TRABD2B: variants seen among roughly 807,000 people sequenced by gnomAD.
TRABD2B encodes metalloprotease TIKI2.
In TRABD2B, 14 loss-of-function variants were observed where a neutral mutation model predicts 40.1. The ratio of observed to expected loss-of-function variants is 0.35; its 90% confidence interval spans 0.23 to 0.55. TRABD2B has a LOEUF of 0.55. Among genes scored for constraint, TRABD2B ranks in the 20% least tolerant of loss-of-function variants. The pLI is 0.90. For missense variants in TRABD2B, 541 were observed against 648.6 expected, an observed-to-expected ratio of 0.83 and a Z score of 1.80; for synonymous variants, 263 against 277.0, an observed-to-expected ratio of 0.95 and a Z score of 0.50.
intron 2 of TRABD2B, among the ~76,000 whole-genome samples, chr1:47,938,967 C>A (rs1265634227): frequency 1.3e-5 from 2 of 151,350 alleles, no homozygotes; most frequent in African/African-American, 4.9e-5. Context: ...CAGAGAGGGG[C>A]AGACTGACAG....
intron 2 of TRABD2B, among the ~76,000 whole-genome samples, chr1:47,834,724 C>T (rs1209913174): frequency 6.6e-6 from 1 of 152,130 alleles, no homozygotes; most frequent in Non-Finnish European, 1.5e-5. Flanking sequence ...ACAGACTTTA[C>T]AGAATTAGTT....
intron 3 of TRABD2B, among the ~76,000 whole-genome samples, chr1:47,799,235 C>T (rs531630171): frequency 6.6e-6 from 1 of 152,304 alleles, no homozygotes; most frequent in Admixed American, 6.5e-5. Context: ...CACATCATGG[C>T]CAGACCATCC....
intron 2 of TRABD2B, among the ~76,000 whole-genome samples, chr1:47,831,499 G>A (rs1472697948): frequency 6.6e-6 from 1 of 152,074 alleles, no homozygotes; most frequent in Non-Finnish European, 1.5e-5. Context: ...CAGCTCCCAG[G>A]GAGCTTGCAG....
intron 2 of TRABD2B, among the ~76,000 whole-genome samples, chr1:47,811,728 A>G (rs1415432926): frequency 6.6e-6 from 1 of 152,158 alleles, no homozygotes; most frequent in Non-Finnish European, 1.5e-5. Context: ...CTTTCAGTAC[A>G]GCTAAGTCCA....
In TRABD2B at chr1:47,763,414, T is replaced by A. The variant is rs1644265209; in HGVS notation, c.*2488A>T. ...TAAGGGAGAGTTTAGGATCCCCTAA[T>A]ATGCCCAGAGGAGGGATCTGGGAAA... On this transcript the variant is annotated 3_prime_UTR_variant, in exon 7 of 7. Coordinates refer to ENST00000606738, the MANE Select transcript of TRABD2B (RefSeq NM_001194986.2). 1 of 152,184 alleles carries A rather than the reference T, an allele frequency of 6.6e-6. No individual in the cohort carries two copies. 9.4% of individuals were successfully genotyped at this position (152,184 alleles called of 1,614,324 possible). A position where few individuals can be genotyped will look rare whatever the true frequency, so the allele number is the denominator to read the frequency against.
At chr1:47,979,142 A>G (rs1217955256) in intron 2 of TRABD2B, among the ~76,000 whole-genome samples, 1 of 152,156 alleles carries the variant, frequency 6.6e-6, no homozygotes, top group Non-Finnish European at 1.5e-5. Context: ...GTGGCTGCTG[A>G]GGTACTTGGC....
intron 2 of TRABD2B, among the ~76,000 whole-genome samples, chr1:47,942,368 A>G (rs2220994): frequency 0.96 from 146,156 of 152,290 alleles, 70,450 homozygotes; most frequent in Non-Finnish European, 1. Flanking sequence ...AAGTGGTTGG[A>G]ACGGGGTGAA....
chr1:47,846,857 T>TATACACACACACAC (rs374941615), intron 2 of TRABD2B, among the ~76,000 whole-genome samples: 15 of 106,378 alleles, frequency 1.4e-4, no homozygotes, highest in East Asian at 7.1e-4. Context: ...AAAACATGCA[T>TATACACACACACAC]ACACACACAC....
intron 2 of TRABD2B, among the ~76,000 whole-genome samples, chr1:47,905,064 G>A (rs1644657543): frequency 6.6e-6 from 1 of 151,976 alleles, no homozygotes; most frequent in Non-Finnish European, 1.5e-5. Context: ...GGAGCTCATG[G>A]TCAAAGAGGA....
At position 47,801,713 on chromosome 1, in the gene TRABD2B, C is replaced by T. The variant is rs1569980732; in HGVS notation, c.667-94G>A. ...CTCCTCCCTCTGGACTTCAGAGCAACAGGCCTGAAACAGAGAAGGTGTGTG... is the reference window on the plus strand; with the variant it reads ...CTCCTCCCTCTGGACTTCAGAGCAATAGGCCTGAAACAGAGAAGGTGTGTG... On this transcript the variant is annotated intron_variant, in intron 2 of 6. Transcript: ENST00000606738. 6.3e-6 allele frequency: 9 copies of T among 1,420,116 alleles called. No homozygotes were observed. In the East Asian group the frequency reaches 2.3e-4, roughly 36 times the overall value. 88.0% of individuals were successfully genotyped at this position (1,420,116 alleles called of 1,614,324 possible).
chr1:47,775,311 G>A lies in TRABD2B; in HGVS notation c.1208C>T (p.Pro403Leu). ...GAGCAGGAGGTGTGGGGACAGGGCTGGATCCTCATCCTCTGGTGGGGCGGT... is the reference window on the plus strand; with the variant it reads ...GAGCAGGAGGTGTGGGGACAGGGCTAGATCCTCATCCTCTGGTGGGGCGGT... ...TPTAPPEDED[P>L]ALSPHLLLPD... The change falls in exon 6 of 7, where the codon CCA (proline) becomes CTA (leucine). Residue 403 changes from proline (P) to leucine (L), a missense_variant. This residue lies in a region of TRABD2B where 172 missense variants were observed against 155.8 expected (regional missense o/e 1.10). Transcript: ENST00000606738. The A allele has an allele frequency of 8.0e-7, 1 of 1,249,032 alleles. No individual in the cohort carries two copies. The highest frequency in any genetic ancestry group is 1.0e-6 in the Non-Finnish European group (1 of 994,546). The allele number at this position is 1,249,032 out of a possible 1,614,324, so 77.4% of individuals were successfully genotyped here. A position where few individuals can be genotyped will look rare whatever the true frequency, so the allele number is the denominator to read the frequency against.
chr1:47,933,578 G>C (rs562066398), intron 2 of TRABD2B, among the ~76,000 whole-genome samples: 2 of 152,184 alleles, frequency 1.3e-5, no homozygotes, highest in Non-Finnish European at 2.9e-5. Context: ...CCACTTTGAT[G>C]TATATAAATA....
chr1:47,952,267 T>C (rs982192556), intron 2 of TRABD2B, among the ~76,000 whole-genome samples: 1 of 152,214 alleles, frequency 6.6e-6, no homozygotes, highest in Non-Finnish European at 1.5e-5. Context: ...CCTGTCCAAA[T>C]GTGCTCCTTC....
chr1:47,882,873 C>T (rs760167767), intron 2 of TRABD2B, among the ~76,000 whole-genome samples: 1 of 152,012 alleles, frequency 6.6e-6, no homozygotes, highest in South Asian at 2.1e-4. Context: ...AGACGATGCA[C>T]CCCAGGAAGG....
intron 2 of TRABD2B, among the ~76,000 whole-genome samples, chr1:47,891,783 C>T (rs889938794): frequency 5.9e-5 from 9 of 151,604 alleles, no homozygotes; most frequent in South Asian, 2.1e-4. Flanking sequence ...GTCTGGGCTA[C>T]GGAGCAAGAC....
chr1:47,868,190 T>C (rs976256435), intron 2 of TRABD2B, among the ~76,000 whole-genome samples: 5 of 152,246 alleles, frequency 3.3e-5, no homozygotes, highest in Non-Finnish European at 7.3e-5. Flanking sequence ...CATTCTTCAA[T>C]TTAAAATGAC....
At chr1:47,794,181 G>A (rs188144626) in intron 4 of TRABD2B, among the ~76,000 whole-genome samples, 1 of 152,314 alleles carries the variant, frequency 6.6e-6, no homozygotes, top group African/African-American at 2.4e-5. Context: ...GGGATCTAGA[G>A]CCAGGACTGT....
At chr1:47,971,109 A>T (rs1387183429) in intron 2 of TRABD2B, among the ~76,000 whole-genome samples, 1 of 152,250 alleles carries the variant, frequency 6.6e-6, no homozygotes, top group East Asian at 1.9e-4. Flanking sequence ...AAAAGAAATC[A>T]GGCTTGGAAA....
intron 2 of TRABD2B, among the ~76,000 whole-genome samples, chr1:47,842,930 A>C (rs963034285): frequency 3.2e-4 from 49 of 152,066 alleles, no homozygotes; most frequent in African/African-American, 1.1e-3. Context: ...TGGGATGGGG[A>C]TGTTGGAGCT....
Sources: gnomAD v4.1 joint callset for allele counts (sites outside exome capture counted in the v4.1 genomes callset) on GRCh38, gnomAD v4.1.1 for gene constraint, gnomAD v4.1.1 regional missense constraint, MANE v1.5 for transcripts, NCBI Gene and HGNC (gene_info 2026-07-23, HGNC 2026-07-21) for gene names.